The following EYS variants were observed in gnomAD, a reference collection of about 807,000 sequenced individuals.
The protein encoded by EYS is protein eyes shut homolog.
A neutral mutation model predicts 282.1 loss-of-function variants in EYS; 250 were observed. The observed-to-expected ratio is 0.89, with a 90% CI of 0.80 to 0.98. The LOEUF is 0.98. Ranked by LOEUF, EYS falls within the 50% of genes least tolerant of loss-of-function variation. EYS has a pLI of 0.00. For synonymous variants in EYS, 1,355 were observed against 1,282.9 expected, an observed-to-expected ratio of 1.06 and a Z score of -1.20; for missense variants, 4,016 against 3,709.0, an observed-to-expected ratio of 1.08 and a Z score of -2.15.
chr6:65,065,880 A>T (rs1355956225), intron 12 of EYS, among the ~76,000 whole-genome samples: 1 of 152,188 alleles, frequency 6.6e-6, no homozygotes, highest in Non-Finnish European at 1.5e-5. Context: ...TGGTTTTCCT[A>T]TGGTCCTTGC....
rs149499303 is a variant in EYS, at chr6:65,699,302, T to A, written c.-448+7833A>T. On this transcript the variant is annotated intron_variant, in intron 1 of 42. Transcript: ENST00000503581. ...TTATTCCTCTTTACAAGTATTTTTA[T>A]CAAAATTATGAAACCCTATTTTACA... Among the ~76,000 whole-genome samples, 264 of 152,262 alleles carry A rather than the reference T, an allele frequency of 1.7e-3. 5 individuals carry two copies. In the East Asian group the frequency reaches 0.041, roughly 24 times the overall value.
At chr6:63,806,121 G>A in intron 37 of EYS, 69 bp downstream of exon 37, 1 of 1,311,590 alleles carries the variant, frequency 7.6e-7, no homozygotes, top group Non-Finnish European at 1.0e-6. Flanking sequence ...CAATTAGAGT[G>A]TCCCTGAGGA....
intron 31 of EYS, among the ~76,000 whole-genome samples, chr6:64,124,278 TACTC>T (rs1304995222): frequency 6.6e-6 from 1 of 151,084 alleles, no homozygotes; most frequent in African/African-American, 2.5e-5. Context: ...AGATTCTTCT[TACTC>T]TCTCTGCTCC....
chr6:64,077,731 A>G (rs1296801972), intron 32 of EYS, among the ~76,000 whole-genome samples: 1 of 151,936 alleles, frequency 6.6e-6, no homozygotes, highest in Non-Finnish European at 1.5e-5. Flanking sequence ...CTGCATGGTA[A>G]TATATCCCAT....
intron 22 of EYS, among the ~76,000 whole-genome samples, chr6:64,772,342 G>C (rs1773550433): frequency 1.3e-5 from 2 of 151,646 alleles, no homozygotes; most frequent in South Asian, 4.1e-4. Context: ...ATTTGTGTAA[G>C]TAGCTGTATC....
At chr6:64,705,063 G>A (rs868189109) in intron 22 of EYS, among the ~76,000 whole-genome samples, 6 of 152,098 alleles carry the variant, frequency 3.9e-5, no homozygotes, top group African/African-American at 9.6e-5. Context: ...ATGATCAAAC[G>A]TTTACCTAGA....
chr6:63,927,242 C>T lies in EYS; in HGVS notation c.7055+57141G>A, dbSNP rs149825007. 4.1e-3 allele frequency among the ~76,000 whole-genome samples: 631 copies of T among 152,306 alleles called. 2 individuals are homozygous for T. Among genetic ancestry groups the T allele is most frequent in the African/African-American group, 0.014 (575 of 41,576 alleles). Reference sequence around the variant, plus strand: ...TAAACGAGATTATCTATGCATGTCTCTAGCTCAATGTTACTAATCAGGATC... The same window carrying T: ...TAAACGAGATTATCTATGCATGTCTTTAGCTCAATGTTACTAATCAGGATC... On this transcript the variant is annotated intron_variant, in intron 35 of 42. Coordinates refer to ENST00000503581, the MANE Select transcript of EYS (RefSeq NM_001142800.2).
intron 12 of EYS, among the ~76,000 whole-genome samples, chr6:65,129,944 G>T (rs1239117882): frequency 6.6e-6 from 1 of 151,588 alleles, no homozygotes; most frequent in Admixed American, 6.6e-5. Flanking sequence ...AAGAAAATGT[G>T]GTACATATAC....
intron 26 of EYS, among the ~76,000 whole-genome samples, chr6:64,479,399 G>T (rs1027239971): frequency 4.0e-5 from 6 of 151,852 alleles, no homozygotes; most frequent in African/African-American, 1.5e-4. Context: ...ACCTTTCAAA[G>T]AATGTCACTT....
chr6:65,035,792 G>A (rs573748286), intron 13 of EYS, among the ~76,000 whole-genome samples: 4 of 151,400 alleles, frequency 2.6e-5, no homozygotes, highest in Admixed American at 1.3e-4. Flanking sequence ...TCAAACTAGC[G>A]ATGACATTTT....
intron 31 of EYS, among the ~76,000 whole-genome samples, chr6:64,102,061 A>T (rs1336721139): frequency 1.3e-5 from 2 of 151,998 alleles, no homozygotes; most frequent in African/African-American, 4.8e-5. Flanking sequence ...TGGATCACCC[A>T]CCACTCTCCT....
chr6:63,721,180 T>A lies in EYS; in HGVS notation c.8851A>T (p.Lys2951Ter), dbSNP rs1186427936. The A allele has an allele frequency of 6.4e-7, 1 of 1,551,550 alleles. No homozygotes were observed. Among genetic ancestry groups the A allele is most frequent in the Non-Finnish European group, 8.7e-7 (1 of 1,146,920 alleles). ...AATTTTGCAGTTGAAAATGAAGTTTTGTTTTCACAATACCTTCCCACCCAA... is the reference window on the plus strand; with the variant it reads ...AATTTTGCAGTTGAAAATGAAGTTTAGTTTTCACAATACCTTCCCACCCAA... Reference protein sequence around the residue: ...LGWVGRYCENKTSFSTAKFMG... With the variant: ...LGWVGRYCEN The change falls in exon 43 of 43, where the codon AAA (lysine) becomes TAA (stop). Residue 2951 changes from lysine (K) to a stop codon, truncating the protein, a stop_gained. Transcript: ENST00000503581. LOFTEE classifies it high-confidence loss of function.
intron 35 of EYS, among the ~76,000 whole-genome samples, chr6:63,919,912 C>T (rs1460190884): frequency 1.3e-5 from 2 of 152,222 alleles, no homozygotes; most frequent in African/African-American, 4.8e-5. Flanking sequence ...TAATTATCCA[C>T]CTTTCCACAT....
chr6:64,755,128 G>T (rs1458885643), intron 22 of EYS, among the ~76,000 whole-genome samples: 1 of 152,102 alleles, frequency 6.6e-6, no homozygotes, highest in African/African-American at 2.4e-5. Flanking sequence ...AAAGTCAGTA[G>T]CATTTCTATA....
At chr6:65,349,944 C>T (rs1770538580) in intron 9 of EYS, among the ~76,000 whole-genome samples, 1 of 151,564 alleles carries the variant, frequency 6.6e-6, no homozygotes, top group African/African-American at 2.4e-5. Context: ...TGCATTTTAA[C>T]ATTTTAATTC....
At chr6:63,727,840 G>C (rs1410717768) in intron 41 of EYS, among the ~76,000 whole-genome samples, 1 of 142,734 alleles carries the variant, frequency 7.0e-6, no homozygotes, top group Non-Finnish European at 1.5e-5. Flanking sequence ...AGGTGGAGGT[G>C]GGGGTGGAGG....
chr6:64,420,524 C>T (rs958061343), intron 28 of EYS, among the ~76,000 whole-genome samples: 1 of 152,094 alleles, frequency 6.6e-6, no homozygotes, highest in African/African-American at 2.4e-5. Flanking sequence ...AGGCTCAACA[C>T]CATATGGAAA....
chr6:64,526,562 A>G (rs980271993), intron 26 of EYS, among the ~76,000 whole-genome samples: 2 of 151,994 alleles, frequency 1.3e-5, no homozygotes, highest in African/African-American at 4.8e-5. Context: ...TCTCTGTTAC[A>G]TTATTATGTA....
At chr6:64,808,016 C>CCTTCCTCCCTCCCTG (rs1337726327) in intron 22 of EYS, among the ~76,000 whole-genome samples, 2 of 149,162 alleles carry the variant, frequency 1.3e-5, no homozygotes, top group East Asian at 4.0e-4. Context: ...CTCCCTCCCT[C>CCTTCCTCCCTCCCTG]CTTCCTTCCT....
Sources: gnomAD v4.1 joint callset for allele counts (sites outside exome capture counted in the v4.1 genomes callset) on GRCh38, gnomAD v4.1.1 for gene constraint, MANE v1.5 for transcripts, NCBI Gene and HGNC (gene_info 2026-07-23, HGNC 2026-07-21) for gene names.